Variants in CHRM5 observed in about 807,000 individuals in gnomAD.
The protein encoded by CHRM5 is muscarinic acetylcholine receptor M5.
Under a neutral mutation model 39.0 loss-of-function variants are expected in CHRM5, and 18 were observed. The observed-to-expected ratio is 0.46, with a 90% CI of 0.32 to 0.68. The LOEUF (loss-of-function observed/expected upper bound fraction) is 0.68. CHRM5 is among the 30% of genes least tolerant of loss of function. The probability of loss-of-function intolerance (pLI) is 0.04; values close to 1 mark genes in which losing one functional copy is unlikely to be tolerated. For missense variants in CHRM5, 515 were observed against 651.1 expected, an observed-to-expected ratio of 0.79 and a Z score of 2.28; for synonymous variants, 241 against 246.3, an observed-to-expected ratio of 0.98 and a Z score of 0.20.
intron 1 of CHRM5, among the ~76,000 whole-genome samples, chr15:34,003,893 T>C (rs1285416982): frequency 1.3e-5 from 2 of 152,232 alleles, no homozygotes; most frequent in Admixed American, 1.3e-4. Flanking sequence ...AGATAGGTGA[T>C]TAATGAACAT....
intron 2 of CHRM5, among the ~76,000 whole-genome samples, chr15:34,049,453 G>T (rs117661152): frequency 6.6e-6 from 1 of 152,078 alleles, no homozygotes; most frequent in Non-Finnish European, 1.5e-5. Flanking sequence ...AAAAAGAATC[G>T]CAGAGTTTGA....
intron 1 of CHRM5, among the ~76,000 whole-genome samples, chr15:33,986,400 C>T (rs527268319): frequency 2.6e-5 from 4 of 152,096 alleles, no homozygotes; most frequent in South Asian, 2.1e-4. Context: ...TAAGCCACCG[C>T]GCCCGGCCCA....
intron 1 of CHRM5, among the ~76,000 whole-genome samples, chr15:33,981,868 T>C (rs1896162975): frequency 6.6e-6 from 1 of 152,124 alleles, no homozygotes. Flanking sequence ...GGAGTCTCAC[T>C]CTGTTGCCCA....
rs1900462283 is a variant in CHRM5, at chr15:34,064,601, A to G, written c.*285A>G. On this transcript the variant is annotated 3_prime_UTR_variant, in exon 3 of 3. Coordinates refer to ENST00000383263, the MANE Select transcript of CHRM5 (RefSeq NM_012125.4). The stretch of plus-strand genomic sequence containing the variant: ...CATGGCCCTTCACAAGAGGAAGCAC[A>G]CTGGGTAACAATGAACAGTGACTCA... 1 of 415,104 alleles carries G rather than the reference A, an allele frequency of 2.4e-6. No individual in the cohort carries two copies. Among genetic ancestry groups the G allele is most frequent in the Non-Finnish European group, 4.5e-6 (1 of 223,926 alleles). 25.7% of individuals were successfully genotyped at this position (415,104 alleles called of 1,614,324 possible). A position where few individuals can be genotyped will look rare whatever the true frequency, so the allele number is the denominator to read the frequency against.
chr15:34,064,593 G>C lies in CHRM5; in HGVS notation c.*277G>C, dbSNP rs929356025. 6 of 434,542 alleles carry C rather than the reference G, an allele frequency of 1.4e-5. No homozygotes were observed. Among genetic ancestry groups the C allele is most frequent in the African/African-American group, 1.0e-4 (5 of 50,202 alleles). 26.9% of individuals were successfully genotyped at this position (434,542 alleles called of 1,614,324 possible). ...GATAGGCTCATGGCCCTTCACAAGA[G>C]GAAGCACACTGGGTAACAATGAACA... On this transcript the variant is annotated 3_prime_UTR_variant, in exon 3 of 3. Coordinates refer to ENST00000383263, the MANE Select transcript of CHRM5 (RefSeq NM_012125.4).
intron 1 of CHRM5, among the ~76,000 whole-genome samples, chr15:34,024,867 A>G (rs958074342): frequency 1.3e-5 from 2 of 150,550 alleles, no homozygotes; most frequent in African/African-American, 4.9e-5. Context: ...TCTCAAAAAA[A>G]AAAGGAAAAA....
chr15:34,034,894 A>C (rs1899045763), intron 1 of CHRM5, among the ~76,000 whole-genome samples: 1 of 152,200 alleles, frequency 6.6e-6, no homozygotes, highest in Admixed American at 6.5e-5. Context: ...CTGGAAAAAA[A>C]GGAAAATAAA....
At chr15:34,008,386 C>A (rs533776931) in intron 1 of CHRM5, among the ~76,000 whole-genome samples, 1 of 149,456 alleles carries the variant, frequency 6.7e-6, no homozygotes, top group African/African-American at 2.5e-5. Flanking sequence ...TGCCACTGCA[C>A]TGAAGCCTGG....
At chr15:33,974,537 G>A (rs1895788373) in intron 1 of CHRM5, among the ~76,000 whole-genome samples, 1 of 152,212 alleles carries the variant, frequency 6.6e-6, no homozygotes, top group South Asian at 2.1e-4. Context: ...TGTTGAAGTA[G>A]GCCAGCATCA....
chr15:34,020,772 A>G (rs1162960239), intron 1 of CHRM5, among the ~76,000 whole-genome samples: 1 of 152,234 alleles, frequency 6.6e-6, no homozygotes, highest in Non-Finnish European at 1.5e-5. Flanking sequence ...TTCGTAAGAC[A>G]CAAGATATAA....
rs368608312 is a variant in CHRM5, at chr15:34,062,700, T to C, written c.-18T>C. Reference sequence around the variant, plus strand: ...GCCTAGAACCTAACACTATTTACTGTAAAATTTTTGCACCAGGATGGAAGG... The same window carrying C: ...GCCTAGAACCTAACACTATTTACTGCAAAATTTTTGCACCAGGATGGAAGG... On this transcript the variant is annotated 5_prime_UTR_variant, in exon 3 of 3. Transcript: ENST00000383263. 5 of 1,590,592 alleles carry C rather than the reference T, an allele frequency of 3.1e-6. No homozygotes were observed. Among genetic ancestry groups the C allele is most frequent in the Admixed American group, 1.7e-5 (1 of 58,650 alleles).
intron 1 of CHRM5, among the ~76,000 whole-genome samples, chr15:33,982,751 T>TC (rs1896209951): frequency 6.6e-6 from 1 of 151,548 alleles, no homozygotes; most frequent in African/African-American, 2.4e-5. Context: ...CATGATGCTT[T>TC]CCCCATGATG....
intron 1 of CHRM5, among the ~76,000 whole-genome samples, chr15:34,032,521 G>C (rs941112102): frequency 2.0e-5 from 3 of 152,118 alleles, no homozygotes; most frequent in Non-Finnish European, 4.4e-5. Context: ...TGGATAGCCA[G>C]AAAACAAAAA....
chr15:34,063,013 G>A lies in CHRM5; in HGVS notation c.296G>A (p.Gly99Glu). 1 of 1,614,200 alleles carries A rather than the reference G, an allele frequency of 6.2e-7. No individual in the cohort carries two copies. The highest frequency in any genetic ancestry group is 8.5e-7 in the Non-Finnish European group (1 of 1,180,032). ...TYILMGRWALGSLACDLWLAL... is the reference protein window; with the variant it reads ...TYILMGRWALESLACDLWLAL... Reference sequence around the variant, plus strand: ...ATCCTCATGGGACGCTGGGCTCTCGGGAGTCTGGCTTGTGACCTTTGGCTT... The same window carrying A: ...ATCCTCATGGGACGCTGGGCTCTCGAGAGTCTGGCTTGTGACCTTTGGCTT... The change falls in exon 3 of 3, where the codon GGG becomes GAG. Residue 99 changes from glycine to glutamate, a missense_variant. Coordinates refer to ENST00000383263, the MANE Select transcript of CHRM5 (RefSeq NM_012125.4). The surrounding 1 kb of genome is among the most constrained non-coding windows in gnomAD (Gnocchi z 4.1).
intron 1 of CHRM5, among the ~76,000 whole-genome samples, chr15:34,043,029 C>T (rs8040776): frequency 2.6e-5 from 4 of 151,386 alleles, no homozygotes; most frequent in African/African-American, 9.7e-5. Context: ...GGGTGGATCA[C>T]GAGGTCAGGA....
At chr15:33,979,198 T>C (rs1288880916) in intron 1 of CHRM5, among the ~76,000 whole-genome samples, 2 of 152,158 alleles carry the variant, frequency 1.3e-5, no homozygotes, top group Non-Finnish European at 2.9e-5. Flanking sequence ...AAAATTGGAA[T>C]TTAAATGGGT....
chr15:34,030,771 C>T (rs995549408), intron 1 of CHRM5, among the ~76,000 whole-genome samples: 4 of 152,164 alleles, frequency 2.6e-5, no homozygotes, highest in African/African-American at 7.2e-5. Flanking sequence ...CGTGCACCAC[C>T]GTGCCTGGCT....
chr15:34,053,943 A>AGAATCTGTAG (rs1354308032), intron 2 of CHRM5, among the ~76,000 whole-genome samples: 4 of 152,212 alleles, frequency 2.6e-5, no homozygotes, highest in Non-Finnish European at 5.9e-5. Flanking sequence ...ACAAAGGGCT[A>AGAATCTGTAG]ATATCCAGAA....
chr15:33,978,282 C>G (rs939300260), intron 1 of CHRM5, among the ~76,000 whole-genome samples: 1 of 152,124 alleles, frequency 6.6e-6, no homozygotes, highest in African/African-American at 2.4e-5. Context: ...CTACAGCAAA[C>G]CCACTGTAGA....
Sources: gnomAD v4.1 joint callset for allele counts (sites outside exome capture counted in the v4.1 genomes callset) on GRCh38, gnomAD v4.1.1 for gene constraint, Gnocchi (gnomAD v3.1) non-coding constraint, MANE v1.5 for transcripts, NCBI Gene and HGNC (gene_info 2026-07-23, HGNC 2026-07-21) for gene names.